The following AGL variants were observed in gnomAD, a reference collection of about 807,000 sequenced individuals.
AGL encodes the protein amylo-alpha-1,6-glucosidase and 4-alpha-glucanotransferase.
A neutral mutation model predicts 199.3 loss-of-function variants in AGL; 128 were observed. That is an observed-to-expected ratio of 0.64 (90% confidence interval 0.56 to 0.74). The LOEUF (loss-of-function observed/expected upper bound fraction) is 0.74. Ranked by LOEUF, AGL falls within the 30% of genes least tolerant of loss-of-function variation. The probability of loss-of-function intolerance (pLI) is 0.00; values close to 1 mark genes in which losing one functional copy is unlikely to be tolerated. For missense variants in AGL, 1,809 were observed against 1,820.8 expected, an observed-to-expected ratio of 0.99 and a Z score of 0.12; for synonymous variants, 584 against 594.7, an observed-to-expected ratio of 0.98 and a Z score of 0.26.
intron 27 of AGL, among the ~76,000 whole-genome samples, chr1:99,907,693 G>GTTTTTTTTTTTTGTT (rs71075465): frequency 1.1e-4 from 13 of 118,974 alleles, no homozygotes; most frequent in East Asian, 8.1e-4. Context: ...TTTGTTTTTT[G>GTTTTTTTTTTTTGTT]TTTTTTTTGC....
At position 99,881,601 on chromosome 1, in the gene AGL, C is replaced by T; in HGVS notation, c.2218C>T (p.His740Tyr). The T allele has an allele frequency of 6.2e-7, 1 of 1,614,042 alleles. No homozygotes were observed. The highest frequency in any genetic ancestry group is 8.5e-7 in the Non-Finnish European group (1 of 1,179,980). ...AGTAACAAGACACTCACCTAGCATC[C>T]ATCAGTCTGTTGTGGCTGTATCTAG... ...VAVTRHSPSI[H>Y]QSVVAVSRTA... Residue 740 changes from histidine (H) to tyrosine (Y), a missense_variant, in exon 17 of 34, where the codon CAT becomes TAT. Transcript: ENST00000361915.
At chr1:99,879,885 A>G in intron 12 of AGL, 38 bp from the exon 13 acceptor site, 1 of 1,540,626 alleles carries the variant, frequency 6.5e-7, no homozygotes, top group Non-Finnish European at 9.0e-7. Flanking sequence ...TCTTTCTGTT[A>G]CATTTATTTG....
intron 28 of AGL, among the ~76,000 whole-genome samples, chr1:99,911,080 A>G (rs1654722883): frequency 6.6e-6 from 1 of 152,186 alleles, no homozygotes; most frequent in African/African-American, 2.4e-5. Context: ...CTCTACAAGC[A>G]CCTCAAAGGA....
chr1:99,862,431 C>T lies in AGL; in HGVS notation c.460+8C>T. 6.2e-7 allele frequency: 1 copy of T among 1,613,684 alleles called. No individual in the cohort carries two copies. Among genetic ancestry groups the T allele is most frequent in the Non-Finnish European group, 8.5e-7 (1 of 1,179,814 alleles). ...GGGTTGCAAAAGAATCAGGTAATGTCAGCTTGCTTTCTTTTTCTTATTTAA... is the reference window on the plus strand; with the variant it reads ...GGGTTGCAAAAGAATCAGGTAATGTTAGCTTGCTTTCTTTTTCTTATTTAA... On this transcript the variant is annotated splice_region_variant and intron_variant, in intron 4 of 33. Transcript: ENST00000361915.
Position 99,887,970 on chromosome 1 carries a change from A to C in AGL, c.2682-8A>C. The C allele has an allele frequency of 6.2e-7, 1 of 1,613,042 alleles. No homozygotes were observed. The highest frequency in any genetic ancestry group is 1.1e-5 in the South Asian group (1 of 91,054). On this transcript the variant is annotated splice_region_variant and splice_polypyrimidine_tract_variant and intron_variant, in intron 20 of 33. Transcript: ENST00000361915. Reference sequence around the variant, plus strand: ...AATATATGGTTATCTTTATTTTCCAATTCTTAGTCTTGCCTCCAGATTAAC... The same window carrying C: ...AATATATGGTTATCTTTATTTTCCACTTCTTAGTCTTGCCTCCAGATTAAC...
intron 2 of AGL, among the ~76,000 whole-genome samples, chr1:99,853,284 A>G (rs546585583): frequency 5.9e-5 from 9 of 152,334 alleles, no homozygotes; most frequent in African/African-American, 2.2e-4. Context: ...AATGTCATAG[A>G]TCTTTACAGT....
intron 25 of AGL, among the ~76,000 whole-genome samples, chr1:99,899,558 TTCCC>T (rs1195469948): frequency 4.8e-4 from 65 of 134,608 alleles, no homozygotes; most frequent in Admixed American, 1.5e-3. Flanking sequence ...CTCTCTCTCT[TTCCC>T]TCCCTCCCTC....
intron 33 of AGL, among the ~76,000 whole-genome samples, chr1:99,918,218 G>C (rs1193044005): frequency 6.6e-6 from 1 of 152,048 alleles, no homozygotes; most frequent in Non-Finnish European, 1.5e-5. Context: ...ACATTGTTTT[G>C]ATAAGAAATC....
intron 27 of AGL, among the ~76,000 whole-genome samples, chr1:99,904,725 C>G (rs1357725023): frequency 1.3e-5 from 2 of 152,170 alleles, no homozygotes; most frequent in Non-Finnish European, 2.9e-5. Context: ...ATATAACCTT[C>G]TGAGATTGAT....
intron 24 of AGL, among the ~76,000 whole-genome samples, chr1:99,895,467 G>A: frequency 6.6e-6 from 1 of 152,114 alleles, no homozygotes; most frequent in East Asian, 1.9e-4. Flanking sequence ...CTTTTAAGTT[G>A]TTTTAAATTA....
chr1:99,869,137 T>C (rs481102), intron 5 of AGL, among the ~76,000 whole-genome samples: 115,412 of 152,102 alleles, frequency 0.76, 44,486 homozygotes, highest in African/African-American at 0.91. Context: ...AATATTTATT[T>C]TTTATACGTG....
At chr1:99,852,179 C>A (rs1187706993) in intron 2 of AGL, among the ~76,000 whole-genome samples, 1 of 152,018 alleles carries the variant, frequency 6.6e-6, no homozygotes, top group Non-Finnish European at 1.5e-5. Flanking sequence ...GTCTCATGGC[C>A]TCAACTGTTG....
intron 3 of AGL, 34 bp downstream of exon 3, chr1:99,861,747 T>G: frequency 6.2e-7 from 1 of 1,607,940 alleles, no homozygotes; most frequent in Non-Finnish European, 8.5e-7. Context: ...AGAAAAAAAG[T>G]TAATTTGTTC....
chr1:99,856,495 G>A (rs1341019259), intron 2 of AGL, among the ~76,000 whole-genome samples: 2 of 148,438 alleles, frequency 1.3e-5, no homozygotes, highest in African/African-American at 5.2e-5. Flanking sequence ...CTCGCAGAGG[G>A]GGATTTGGCA....
At chr1:99,902,909 G>T (rs962125279) in intron 27 of AGL, 115 bp downstream of exon 27, 1 of 804,862 alleles carries the variant, frequency 1.2e-6, no homozygotes, top group Non-Finnish European at 2.1e-6. Context: ...TGATTAAAAA[G>T]ATTAACATAG....
At chr1:99,891,420 T>C in intron 22 of AGL, 64 bp downstream of exon 22, 1 of 1,562,172 alleles carries the variant, frequency 6.4e-7, no homozygotes, top group Admixed American at 1.7e-5. Flanking sequence ...TACCATGTTA[T>C]ATATAATATT....
In AGL at chr1:99,870,450, G is replaced by A; in HGVS notation, c.715G>A (p.Val239Met). The change falls in exon 6 of 34, where the codon GTG (valine) becomes ATG (methionine). Residue 239 changes from valine (V) to methionine (M), a missense_variant. Val to Met is a conservative substitution (Grantham distance 21). Coordinates refer to ENST00000361915, the MANE Select transcript of AGL (RefSeq NM_000642.3). ...ACATCCAGAATGTGCCTATAATCTT[G>A]TGAATTCTCCACACTTAAAACCTGC... ...QEHPECAYNL[V>M]NSPHLKPAWV... 6.2e-7 allele frequency: 1 copy of A among 1,613,980 alleles called. No individual in the cohort carries two copies. The highest frequency in any genetic ancestry group is 8.5e-7 in the Non-Finnish European group (1 of 1,179,954).
At position 99,861,514 on chromosome 1, in the gene AGL, C is replaced by T. The variant is rs786204489; in HGVS notation, c.94C>T (p.Gln32Ter). Residue 32 changes from glutamine to a stop codon, truncating the protein, a stop_gained, in exon 3 of 34, where the codon CAG becomes TAG. Transcript: ENST00000361915. LOFTEE classifies it high-confidence loss of function. Reference sequence around the variant, plus strand: ...TGCTTTTTATTTAGGGTATGAGCTACAGTTCCGATTAGGCCCAACTTTACA... The same window carrying T: ...TGCTTTTTATTTAGGGTATGAGCTATAGTTCCGATTAGGCCCAACTTTACA... The part of the protein sequence containing the change: ...LFRLEQGYEL[Q>*]FRLGPTLQGK... 3.1e-6 allele frequency: 5 copies of T among 1,613,738 alleles called. No homozygotes were observed. In the African/African-American group the frequency reaches 5.3e-5, roughly 17 times the overall value.
At position 99,888,118 on chromosome 1, in the gene AGL, TGGA is replaced by T. The variant is rs779391533; in HGVS notation, c.2812+11_2812+13del. ...TATGCAGGTCTTCAAGGTAAGCAAATGGAAGGATAGCTGAGCTTTGTGTTTTTC... is the reference window on the plus strand; with the variant it reads ...TATGCAGGTCTTCAAGGTAAGCAAATAGGATAGCTGAGCTTTGTGTTTTTC... On this transcript the variant is annotated intron_variant, in intron 21 of 33. Coordinates refer to ENST00000361915, the MANE Select transcript of AGL (RefSeq NM_000642.3). 1.2e-6 allele frequency: 2 copies of T among 1,612,642 alleles called. No homozygotes were observed. The highest frequency in any genetic ancestry group is 1.7e-6 in the Non-Finnish European group (2 of 1,179,356).
Sources: gnomAD v4.1 joint callset for allele counts (sites outside exome capture counted in the v4.1 genomes callset) on GRCh38, gnomAD v4.1.1 for gene constraint, MANE v1.5 for transcripts, NCBI Gene and HGNC (gene_info 2026-07-23, HGNC 2026-07-21) for gene names.